The following NFIB variants were observed in gnomAD, a reference collection of about 807,000 sequenced individuals.
NFIB encodes nuclear factor 1 B-type.
In NFIB, 11 loss-of-function variants were observed where a neutral mutation model predicts 61.5. The ratio of observed to expected loss-of-function variants is 0.18; its 90% CI spans 0.11 to 0.30. The LOEUF (loss-of-function observed/expected upper bound fraction) is 0.30, where lower values mean the gene tolerates loss of function less well. NFIB is among the 10% of genes least tolerant of loss of function. The pLI, the probability that NFIB is intolerant of heterozygous loss-of-function variation, is 1.00. For synonymous variants in NFIB, 260 were observed against 216.5 expected, an observed-to-expected ratio of 1.20 and a Z score of -1.76; for missense variants, 471 against 608.9, an observed-to-expected ratio of 0.77 and a Z score of 2.38.
intron 2 of NFIB, among the ~76,000 whole-genome samples, chr9:14,195,254 C>T (rs2048351150): frequency 6.6e-6 from 1 of 152,190 alleles, no homozygotes; most frequent in Admixed American, 6.5e-5. Flanking sequence ...GATGTTACAG[C>T]TTCCTTCATC....
chr9:14,319,116 C>G (rs943826128), upstream of NFIB, among the ~76,000 whole-genome samples: 12 of 151,774 alleles, frequency 7.9e-5, no homozygotes, highest in Non-Finnish European at 2.9e-5. Flanking sequence ...TTGGTGTCCC[C>G]TGAGGACAAA....
At chr9:14,276,070 T>A (rs1001141823) in intron 2 of NFIB, among the ~76,000 whole-genome samples, 1 of 152,178 alleles carries the variant, frequency 6.6e-6, no homozygotes, top group Non-Finnish European at 1.5e-5. Flanking sequence ...CATGACTAGA[T>A]ACTGCAGGGG....
intron 2 of NFIB, among the ~76,000 whole-genome samples, chr9:14,184,239 C>G (rs2047105686): frequency 6.6e-6 from 1 of 152,172 alleles, no homozygotes; most frequent in East Asian, 1.9e-4. Context: ...TATTCAGACA[C>G]AATACTTCTT....
the NFIB span, among the ~76,000 whole-genome samples, chr9:14,525,298 T>C: frequency 2.6e-5 from 4 of 152,156 alleles, no homozygotes; most frequent in Non-Finnish European, 4.4e-5. Context: ...ACCCAGATCA[T>C]ATGGGTGAAA....
rs185207338 is a variant in NFIB at position 14,176,500 on chromosome 9, C to T, written c.616+3227G>A. Among the ~76,000 whole-genome samples, 6 of 152,068 alleles carry T rather than the reference C, an allele frequency of 3.9e-5. No individual in the cohort carries two copies. In the East Asian group the frequency reaches 9.7e-4, roughly 25 times the overall value. ...CAAACAAAACATTTAAGTCACAAATCGTTTAAAGAAATACCATAAAGGCTA... is the reference window on the plus strand; with the variant it reads ...CAAACAAAACATTTAAGTCACAAATTGTTTAAAGAAATACCATAAAGGCTA... On this transcript the variant is annotated intron_variant, in intron 3 of 10. Coordinates refer to ENST00000380953, the MANE Select transcript of NFIB (RefSeq NM_001190737.2).
At chr9:14,272,130 T>C (rs1382705165) in intron 2 of NFIB, among the ~76,000 whole-genome samples, 1 of 152,178 alleles carries the variant, frequency 6.6e-6, no homozygotes, top group Non-Finnish European at 1.5e-5. Flanking sequence ...TATTTCATAC[T>C]ATTAAAAGGC....
At chr9:14,417,274 T>G in the NFIB span, among the ~76,000 whole-genome samples, 1 of 152,246 alleles carries the variant, frequency 6.6e-6, no homozygotes, top group Non-Finnish European at 1.5e-5. Flanking sequence ...CATTGTGTTA[T>G]AATTGCTTAC....
At chr9:14,231,963 A>T (rs1402918473) in intron 2 of NFIB, among the ~76,000 whole-genome samples, 2 of 152,252 alleles carry the variant, frequency 1.3e-5, no homozygotes, top group East Asian at 3.8e-4. Context: ...GAAAGGCCAC[A>T]GTGTGGCTGA....
At chr9:14,487,416 T>C in the NFIB span, among the ~76,000 whole-genome samples, 2 of 152,182 alleles carry the variant, frequency 1.3e-5, no homozygotes, top group Admixed American at 1.3e-4. Context: ...TGGAACGAAA[T>C]TGTCCATTAG....
Position 14,193,976 on chromosome 9 carries a change from C to A in NFIB, c.563-14196G>T, listed in dbSNP as rs1355187754. Among the ~76,000 whole-genome samples, 5 of 152,172 alleles carry A rather than the reference C, an allele frequency of 3.3e-5. No individual in the cohort carries two copies. In the East Asian group the frequency reaches 9.7e-4, roughly 29 times the overall value. Reference sequence around the variant, plus strand: ...TCTCTCAATCATTTTGAACCCCCACCCCCAAGATTTATTTTATGTCTCTTT... The same window carrying A: ...TCTCTCAATCATTTTGAACCCCCACACCCAAGATTTATTTTATGTCTCTTT... On this transcript the variant is annotated intron_variant, in intron 2 of 10. Transcript: ENST00000380953.
At chr9:14,316,038 C>A (rs1161010508), upstream of NFIB, among the ~76,000 whole-genome samples, 2 of 152,116 alleles carry the variant, frequency 1.3e-5, no homozygotes, top group African/African-American at 4.8e-5. Context: ...CAACTTTAGC[C>A]CCTCTCACTC....
At chr9:14,301,785 G>C (rs971489525) in intron 2 of NFIB, among the ~76,000 whole-genome samples, 1 of 152,148 alleles carries the variant, frequency 6.6e-6, no homozygotes. Flanking sequence ...GTGGGAGACT[G>C]TGTTTTCTTA....
At chr9:14,258,010 T>C (rs1406104023) in intron 2 of NFIB, among the ~76,000 whole-genome samples, 1 of 152,206 alleles carries the variant, frequency 6.6e-6, no homozygotes, top group Non-Finnish European at 1.5e-5. Flanking sequence ...AGTGTGGACT[T>C]CCCCCATATT....
intron 2 of NFIB, among the ~76,000 whole-genome samples, chr9:14,191,493 G>C (rs1030890304): frequency 6.6e-6 from 1 of 152,062 alleles, no homozygotes; most frequent in Non-Finnish European, 1.5e-5. Flanking sequence ...TTTTAAAAAA[G>C]GGAACTGAGA....
chr9:14,361,047 T>C (rs1427130407), intron 1 of NFIB, among the ~76,000 whole-genome samples: 1 of 152,144 alleles, frequency 6.6e-6, no homozygotes, highest in African/African-American at 2.4e-5. Flanking sequence ...TCTTTAATGA[T>C]TTTTCCAGGT....
At chr9:14,385,291 C>T (rs949109791) in intron 1 of NFIB, among the ~76,000 whole-genome samples, 3 of 152,166 alleles carry the variant, frequency 2.0e-5, no homozygotes, top group Non-Finnish European at 2.9e-5. Context: ...GGGACCCAAG[C>T]CCCACAGTCC....
upstream of NFIB, among the ~76,000 whole-genome samples, chr9:14,403,350 T>C (rs1169198218): frequency 6.6e-6 from 1 of 152,234 alleles, no homozygotes; most frequent in African/African-American, 2.4e-5. Context: ...CAGGTGGCCA[T>C]GCTCCCGGAT....
At chr9:14,217,125 G>A (rs1379294887) in intron 2 of NFIB, among the ~76,000 whole-genome samples, 5 of 152,112 alleles carry the variant, frequency 3.3e-5, no homozygotes, top group Non-Finnish European at 7.4e-5. Context: ...TGGCCATTTT[G>A]ATTAATTTCC....
intron 10 of NFIB, among the ~76,000 whole-genome samples, chr9:14,100,185 T>C (rs2035528210): frequency 6.6e-6 from 1 of 152,180 alleles, no homozygotes; most frequent in African/African-American, 2.4e-5. Flanking sequence ...GTTACAATTT[T>C]TGAGAGGGAA....
Sources: gnomAD v4.1 joint callset for allele counts (sites outside exome capture counted in the v4.1 genomes callset) on GRCh38, gnomAD v4.1.1 for gene constraint, MANE v1.5 for transcripts, NCBI Gene and HGNC (gene_info 2026-07-23, HGNC 2026-07-21) for gene names.